PPP4R2: variants seen among roughly 807,000 people sequenced by gnomAD.
The protein encoded by PPP4R2 is serine/threonine-protein phosphatase 4 regulatory subunit 2.
PPP4R2 carries 13 observed loss-of-function variants against 47.2 expected under a neutral mutation model. The ratio of observed to expected loss-of-function variants is 0.28; its 90% CI spans 0.18 to 0.44. PPP4R2 has a LOEUF of 0.44. Ranked by LOEUF, PPP4R2 falls within the 20% of genes least tolerant of loss-of-function variation. The pLI, the probability that PPP4R2 is intolerant of heterozygous loss-of-function variation, is 1.00. For missense variants in PPP4R2, 421 were observed against 491.2 expected (o/e 0.86, Z 1.35); for synonymous variants, 151 against 163.3 (o/e 0.92, Z 0.57).
intron 5 of PPP4R2, chr3:73,061,972 C>A: frequency 1.4e-6 from 1 of 700,750 alleles, no homozygotes; most frequent in Non-Finnish European, 2.4e-6. Context: ...AAAATGTATA[C>A]ATGATAAAAA....
rs1411333628 is a variant in PPP4R2, at chr3:73,065,252, T to C, written c.928+111T>C. 17 of 1,325,494 alleles carry C rather than the reference T, an allele frequency of 1.3e-5. No homozygotes were observed. In the East Asian group the frequency reaches 4.3e-4, roughly 33 times the overall value. The allele number at this position is 1,325,494 out of a possible 1,614,324, so 82.1% of individuals were successfully genotyped here. ...AATGGAACTCCTTATAATGCTGATG[T>C]TGGGCTTTTCTCCCACCTGTATGTA... On this transcript the variant is annotated intron_variant, in intron 8 of 8. Coordinates refer to ENST00000356692, the MANE Select transcript of PPP4R2 (RefSeq NM_174907.4).
At chr3:73,052,797 GTGTTCCTATA>G (rs1192558830) in intron 3 of PPP4R2, among the ~76,000 whole-genome samples, 1 of 152,166 alleles carries the variant, frequency 6.6e-6, no homozygotes, top group African/African-American at 2.4e-5. Flanking sequence ...AACTAAAATA[GTGTTCCTATA>G]TATTTATGAG....
At chr3:73,012,411 T>G (rs1173044926) in intron 2 of PPP4R2, among the ~76,000 whole-genome samples, 2 of 152,178 alleles carry the variant, frequency 1.3e-5, no homozygotes, top group Non-Finnish European at 2.9e-5. Flanking sequence ...GCCATTCTCC[T>G]GCCTCAGCCT....
chr3:73,066,912 A>G lies in PPP4R2; in HGVS notation c.*1190A>G, dbSNP rs1404319874. The G allele has an allele frequency of 6.6e-6, 1 of 152,256 alleles. No homozygotes were observed. The highest frequency in any genetic ancestry group is 1.9e-4 in the East Asian group (1 of 5,194). The allele number at this position is 152,256 out of a possible 1,614,324, so 9.4% of individuals were successfully genotyped here. A position where few individuals can be genotyped will look rare whatever the true frequency, so the allele number is the denominator to read the frequency against. ...ATTTTTCAGATCAACACAAAGCACA[A>G]TGATTACTCGAAATTCAGTATTTTC... On this transcript the variant is annotated 3_prime_UTR_variant, in exon 9 of 9. Coordinates refer to ENST00000356692, the MANE Select transcript of PPP4R2 (RefSeq NM_174907.4).
chr3:73,001,778 A>T (rs1401338185), intron 2 of PPP4R2, among the ~76,000 whole-genome samples: 1 of 151,876 alleles, frequency 6.6e-6, no homozygotes, highest in Non-Finnish European at 1.5e-5. Flanking sequence ...AGCTGGGACT[A>T]CAGGCACACA....
chr3:73,056,856 A>C (rs1702740500), intron 3 of PPP4R2, among the ~76,000 whole-genome samples: 1 of 152,224 alleles, frequency 6.6e-6, no homozygotes, highest in Non-Finnish European at 1.5e-5. Context: ...GTTAAAACTA[A>C]TTTTAATTAG....
intron 5 of PPP4R2, chr3:73,061,981 A>C: frequency 1.3e-6 from 1 of 788,146 alleles, no homozygotes; most frequent in Non-Finnish European, 2.0e-6. Flanking sequence ...ACATGATAAA[A>C]ATTTCTTTTA....
intron 2 of PPP4R2, among the ~76,000 whole-genome samples, chr3:73,044,031 G>T (rs943102813): frequency 6.6e-6 from 1 of 152,140 alleles, no homozygotes; most frequent in Non-Finnish European, 1.5e-5. Context: ...TTTGCATAAT[G>T]CCATCAAGCT....
Position 73,069,116 on chromosome 3 carries a change from A to T in PPP4R2, c.*3394A>T, listed in dbSNP as rs1559575099. 3 of 152,106 alleles carry T rather than the reference A, an allele frequency of 2.0e-5. No homozygotes were observed. Among genetic ancestry groups the T allele is most frequent in the Non-Finnish European group, 4.4e-5 (3 of 68,020 alleles). The allele number at this position is 152,106 out of a possible 1,614,324, so 9.4% of individuals were successfully genotyped here. On this transcript the variant is annotated 3_prime_UTR_variant, in exon 9 of 9. Coordinates refer to ENST00000356692, the MANE Select transcript of PPP4R2 (RefSeq NM_174907.4). The stretch of plus-strand genomic sequence containing the variant: ...TTTAAAAATCAGTACACTCTTCAGG[A>T]TTTTCTTTTATTTCAACTTGGAGCC...
At chr3:73,062,366 C>T (rs1702881283) in intron 5 of PPP4R2, 3 of 1,606,550 alleles carry the variant, frequency 1.9e-6, no homozygotes, top group African/African-American at 2.7e-5. Context: ...AACCCCAACC[C>T]AGCATTGGGG....
Position 73,014,411 on chromosome 3 carries a change from C to T in PPP4R2, c.116+16253C>T, listed in dbSNP as rs976532558. On this transcript the variant is annotated intron_variant, in intron 2 of 8. Transcript: ENST00000356692. ...AGTGATTTTCCCACCTGAGCTTCCC[C>T]AGTAGCTAGGACTACAGGTATGCAC... is the stretch of plus-strand genomic sequence containing the variant. Among the ~76,000 whole-genome samples, 3 of 152,144 alleles carry T rather than the reference C, an allele frequency of 2.0e-5. 1 individual carries two copies. Among genetic ancestry groups the T allele is most frequent in the African/African-American group, 7.2e-5 (3 of 41,516 alleles).
intron 2 of PPP4R2, among the ~76,000 whole-genome samples, chr3:73,013,729 C>T (rs11715308): frequency 0.52 from 79,318 of 151,678 alleles, 21,069 homozygotes; most frequent in African/African-American, 0.6. Context: ...GCCTCCACCT[C>T]CTGGTTTCAA....
At position 73,023,887 on chromosome 3, in the gene PPP4R2, CACTTAAAAGAATAATTTGGATT is replaced by C. The variant is rs1162212281; in HGVS notation, c.117-23296_117-23275del. On this transcript the variant is annotated intron_variant, in intron 2 of 8. Coordinates refer to ENST00000356692, the MANE Select transcript of PPP4R2 (RefSeq NM_174907.4). ...TACTTGGAAGAGAAATGCCAGAAGC[CACTTAAAAGAATAATTTGGATT>C]ACCTTTGCTTTTTGATATTCAGTTT... Among the ~76,000 whole-genome samples the C allele has an allele frequency of 2.0e-5, 3 of 152,190 alleles. No homozygotes were observed. In the East Asian group the frequency reaches 5.8e-4, roughly 29 times the overall value.
At chr3:73,060,548 A>G (rs1314495629) in intron 4 of PPP4R2, among the ~76,000 whole-genome samples, 1 of 152,030 alleles carries the variant, frequency 6.6e-6, no homozygotes, top group South Asian at 2.1e-4. Flanking sequence ...ATATTAGTAA[A>G]GTTATTTTTA....
chr3:73,016,371 T>A (rs570776582), intron 2 of PPP4R2, among the ~76,000 whole-genome samples: 1 of 152,294 alleles, frequency 6.6e-6, no homozygotes, highest in East Asian at 1.9e-4. Context: ...GCTGCCGGCA[T>A]CTAGTGGGGT....
At chr3:73,028,679 C>G (rs1304352848) in intron 2 of PPP4R2, among the ~76,000 whole-genome samples, 2 of 151,942 alleles carry the variant, frequency 1.3e-5, no homozygotes, top group Admixed American at 1.3e-4. Context: ...ACCTCGTGAT[C>G]CGCCCGCCTA....
At chr3:72,999,928 C>T (rs1419643419) in intron 2 of PPP4R2, among the ~76,000 whole-genome samples, 3 of 152,216 alleles carry the variant, frequency 2.0e-5, no homozygotes, top group Non-Finnish European at 2.9e-5. Flanking sequence ...TTTTTATCAA[C>T]ATGGCATATC....
In PPP4R2 at chr3:72,996,868, C is replaced by T. The variant is rs1701352691; in HGVS notation, c.-170C>T. The T allele has an allele frequency of 2.4e-6, 1 of 421,406 alleles. No homozygotes were observed. The highest frequency in any genetic ancestry group is 2.0e-5 in the African/African-American group (1 of 48,838). 26.1% of individuals were successfully genotyped at this position (421,406 alleles called of 1,614,324 possible). A position where few individuals can be genotyped will look rare whatever the true frequency, so the allele number is the denominator to read the frequency against. On this transcript the variant is annotated 5_prime_UTR_variant, in exon 1 of 9. Transcript: ENST00000356692. ...TTGGGGAGGTGCTCGCTCTGTCGGT[C>T]TTGCTCTCTCGCACGCTTCCCCCGG...
chr3:73,018,016 C>T (rs894112838), intron 2 of PPP4R2, among the ~76,000 whole-genome samples: 18 of 152,118 alleles, frequency 1.2e-4, no homozygotes, highest in African/African-American at 4.1e-4. Flanking sequence ...CTGGCTGGGA[C>T]ACTGGGCGTG....
Sources: allele counts gnomAD v4.1 joint callset (sites outside exome capture counted in the v4.1 genomes callset), GRCh38; gene constraint gnomAD v4.1.1; transcripts MANE v1.5; gene names NCBI Gene and HGNC (gene_info 2026-07-23, HGNC 2026-07-21).